Variants in AVL9 observed in about 807,000 individuals in gnomAD.
The protein encoded by AVL9 is AVL9 cell migration associated.
In AVL9, 49 loss-of-function variants were observed where a neutral mutation model predicts 79.2. The ratio of observed to expected loss-of-function variants is 0.62; its 90% CI spans 0.49 to 0.79. The LOEUF (loss-of-function observed/expected upper bound fraction) is 0.79, where lower values mean the gene tolerates loss of function less well. Among genes scored for constraint, AVL9 ranks in the 30% least tolerant of loss-of-function variants. The pLI, the probability that AVL9 is intolerant of heterozygous loss-of-function variation, is 0.00. For synonymous variants in AVL9, 299 were observed against 280.6 expected (o/e 1.07, Z -0.65); for missense variants, 682 against 776.8 (o/e 0.88, Z 1.45).
intron 1 of AVL9, among the ~76,000 whole-genome samples, chr7:32,503,450 C>T (rs919653375): frequency 3.5e-5 from 5 of 144,536 alleles, no homozygotes; most frequent in African/African-American, 1.3e-4. Context: ...CCCAGCTACT[C>T]GGGAGGCTGA....
At chr7:32,500,536 C>T (rs1787078880) in intron 1 of AVL9, among the ~76,000 whole-genome samples, 1 of 151,960 alleles carries the variant, frequency 6.6e-6, no homozygotes. Context: ...CATAGGTTGC[C>T]TGTTCACTCT....
intron 10 of AVL9, among the ~76,000 whole-genome samples, chr7:32,565,841 C>T (rs1271281378): frequency 6.6e-6 from 1 of 151,896 alleles, no homozygotes; most frequent in Non-Finnish European, 1.5e-5. Context: ...AACCCCATCT[C>T]TACTAAAAAT....
chr7:32,528,782 G>A (rs1298135478), intron 1 of AVL9, among the ~76,000 whole-genome samples: 5 of 151,936 alleles, frequency 3.3e-5, no homozygotes, highest in Non-Finnish European at 5.9e-5. Context: ...AGGCTGAGGC[G>A]GGCAGATCAC....
chr7:32,530,295 A>C (rs1022619211), intron 1 of AVL9, among the ~76,000 whole-genome samples: 2 of 152,244 alleles, frequency 1.3e-5, no homozygotes, highest in African/African-American at 2.4e-5. Flanking sequence ...GTGAGAGTTC[A>C]CTCATAACTA....
chr7:32,550,558 A>G (rs1448369929), intron 4 of AVL9, among the ~76,000 whole-genome samples: 2 of 152,194 alleles, frequency 1.3e-5, no homozygotes, highest in African/African-American at 4.8e-5. Flanking sequence ...AGACTCTTCC[A>G]GTATTACTTG....
chr7:32,574,979 C>T (rs1791021953), intron 12 of AVL9, among the ~76,000 whole-genome samples: 1 of 152,154 alleles, frequency 6.6e-6, no homozygotes, highest in South Asian at 2.1e-4. Flanking sequence ...TGTATCAGTT[C>T]TCCAAACCAT....
intron 11 of AVL9, among the ~76,000 whole-genome samples, chr7:32,570,729 TC>T (rs1296733063): frequency 6.6e-6 from 1 of 151,262 alleles, no homozygotes; most frequent in African/African-American, 2.4e-5. Context: ...AAGCAATTCT[TC>T]TGCCTCAGCC....
At chr7:32,547,736 A>G (rs935983397) in intron 3 of AVL9, among the ~76,000 whole-genome samples, 1 of 152,134 alleles carries the variant, frequency 6.6e-6, no homozygotes, top group South Asian at 2.1e-4. Context: ...AAAGACTTCA[A>G]CTCCTTTCGA....
intron 12 of AVL9, among the ~76,000 whole-genome samples, chr7:32,574,157 A>G (rs1790981637): frequency 6.6e-6 from 1 of 152,174 alleles, no homozygotes; most frequent in South Asian, 2.1e-4. Flanking sequence ...ATAGCATAAA[A>G]TTTACCATCT....
At chr7:32,546,821 A>G (rs1789531071) in intron 3 of AVL9, among the ~76,000 whole-genome samples, 1 of 151,456 alleles carries the variant, frequency 6.6e-6, no homozygotes. Flanking sequence ...AGACTCCCTC[A>G]AAAAAATAAA....
chr7:32,542,891 AC>A (rs1440823810), intron 1 of AVL9, among the ~76,000 whole-genome samples: 3 of 152,142 alleles, frequency 2.0e-5, no homozygotes, highest in African/African-American at 7.2e-5. Context: ...CAACCCCACT[AC>A]CATTATGCAC....
chr7:32,495,511 C>T lies in AVL9; in HGVS notation c.-199C>T, dbSNP rs1050054110. The stretch of plus-strand genomic sequence containing the variant: ...GCCGTGTCAGGTGACAGCCCGGAAG[C>T]TGCGGAAGCGGATGAGGGAAGGGCG... On this transcript the variant is annotated 5_prime_UTR_variant, in exon 1 of 16. Transcript: ENST00000318709. 1 of 392,900 alleles carries T rather than the reference C, an allele frequency of 2.5e-6. No homozygotes were observed. The highest frequency in any genetic ancestry group is 2.1e-5 in the African/African-American group (1 of 48,498). The allele number at this position is 392,900 out of a possible 1,614,324, so 24.3% of individuals were successfully genotyped here. A position where few individuals can be genotyped will look rare whatever the true frequency, so the allele number is the denominator to read the frequency against.
chr7:32,562,320 T>G (rs930484072), intron 10 of AVL9, among the ~76,000 whole-genome samples: 2 of 152,208 alleles, frequency 1.3e-5, no homozygotes, highest in Non-Finnish European at 2.9e-5. Context: ...CACTTATAAG[T>G]GAGGTAAGTT....
At chr7:32,521,121 C>G (rs1315469838) in intron 1 of AVL9, among the ~76,000 whole-genome samples, 1 of 152,092 alleles carries the variant, frequency 6.6e-6, no homozygotes, top group African/African-American at 2.4e-5. Flanking sequence ...TCTTCCCAGT[C>G]TCGGGTATGT....
intron 1 of AVL9, among the ~76,000 whole-genome samples, chr7:32,523,150 C>CAAAAAAAAAAAAAAAAAAAA (rs59565422): frequency 1.2e-5 from 1 of 81,282 alleles, no homozygotes. Context: ...GGTAATTAAC[C>CAAAAAAAAAAAAAAAAAAAA]AAAAAAAAAA....
At chr7:32,497,420 C>T (rs548285654) in intron 1 of AVL9, among the ~76,000 whole-genome samples, 1 of 152,308 alleles carries the variant, frequency 6.6e-6, no homozygotes, top group East Asian at 1.9e-4. Flanking sequence ...TCTTTATAAC[C>T]TGTACATCAG....
intron 15 of AVL9, 135 bp from the exon 16 acceptor site, chr7:32,583,657 C>CT: frequency 3.5e-6 from 2 of 564,410 alleles, no homozygotes; most frequent in South Asian, 4.6e-5. Context: ...CCAGCCTGGG[C>CT]GACAGAGTAA....
Position 32,548,872 on chromosome 7 carries a change from T to C in AVL9, c.326T>C (p.Ile109Thr), listed in dbSNP as rs749599964. 2 of 1,579,124 alleles carry C rather than the reference T, an allele frequency of 1.3e-6. No homozygotes were observed. The highest frequency in any genetic ancestry group is 1.4e-5 in the African/African-American group (1 of 73,662). Residue 109 changes from isoleucine to threonine, a missense_variant, in exon 4 of 16, where the codon ATC becomes ACC. Coordinates refer to ENST00000318709, the MANE Select transcript of AVL9 (RefSeq NM_015060.3). The part of the protein sequence containing the change: ...AKALKVRQAD[I>T]TRETVQKSVC... ...GCACTGAAAGTAAGGCAAGCAGATA[T>C]CACCAGAGAGACTGTTCAGAAAAGT...
chr7:32,516,169 G>T (rs1021782290), intron 1 of AVL9, among the ~76,000 whole-genome samples: 1 of 152,304 alleles, frequency 6.6e-6, no homozygotes, highest in Non-Finnish European at 1.5e-5. Context: ...TTTGGCTTTT[G>T]TGAGTAGCAG....
Sources: allele counts gnomAD v4.1 joint callset (sites outside exome capture counted in the v4.1 genomes callset), GRCh38; gene constraint gnomAD v4.1.1; transcripts MANE v1.5; gene names NCBI Gene and HGNC (gene_info 2026-07-23, HGNC 2026-07-21).